The following MYRIP variants were observed in gnomAD, a reference collection of about 807,000 sequenced individuals.
The protein encoded by MYRIP is rab effector MyRIP.
In MYRIP, 49 loss-of-function variants were observed where a neutral mutation model predicts 98.0. The ratio of observed to expected loss-of-function variants is 0.50; its 90% CI spans 0.40 to 0.63. The LOEUF (loss-of-function observed/expected upper bound fraction) is 0.63. Ranked by LOEUF, MYRIP falls within the 30% of genes least tolerant of loss-of-function variation. The pLI is 0.00. For synonymous variants in MYRIP, 404 were observed against 409.5 expected, an observed-to-expected ratio of 0.99 and a Z score of 0.16; for missense variants, 1,004 against 1,058.2, an observed-to-expected ratio of 0.95 and a Z score of 0.71.
At chr3:40,099,872 A>G in intron 3 of MYRIP, 1 of 545,594 alleles carries the variant, frequency 1.8e-6, no homozygotes, top group Non-Finnish European at 2.3e-6. Context: ...TTCCCCTACA[A>G]AGTTGTATTA....
chr3:39,995,004 A>T (rs2125776319), intron 2 of MYRIP, among the ~76,000 whole-genome samples: 1 of 152,316 alleles, frequency 6.6e-6, no homozygotes, highest in African/African-American at 2.4e-5. Context: ...AAACTAAAAA[A>T]CAGAAAGGAC....
At chr3:40,231,207 G>A (rs1269248169) in intron 11 of MYRIP, among the ~76,000 whole-genome samples, 1 of 152,242 alleles carries the variant, frequency 6.6e-6, no homozygotes, top group Non-Finnish European at 1.5e-5. Context: ...TGTTCCAGGT[G>A]AAGCTGTGGC....
chr3:39,907,134 A>G (rs1326236412), intron 2 of MYRIP, among the ~76,000 whole-genome samples: 12 of 152,088 alleles, frequency 7.9e-5, no homozygotes, highest in Admixed American at 7.9e-4. Flanking sequence ...CATTTGGTTT[A>G]GTGTTCATCA....
At chr3:39,961,992 A>C (rs568485343) in intron 2 of MYRIP, among the ~76,000 whole-genome samples, 1 of 152,246 alleles carries the variant, frequency 6.6e-6, no homozygotes, top group East Asian at 1.9e-4. Context: ...CAAAAGATGA[A>C]TGGACTCTCT....
rs375303216 is a variant in MYRIP, at chr3:40,190,481, G to A, written c.1665+18G>A. On this transcript the variant is annotated intron_variant, in intron 10 of 16. Transcript: ENST00000302541. ...CACATCAGGTAATGGAAGTGCATGC[G>A]TGCAAATGCACACACACTCTTTAGG... 1.9e-5 allele frequency: 29 copies of A among 1,559,122 alleles called. No individual in the cohort carries two copies. The highest frequency in any genetic ancestry group is 1.2e-4 in the South Asian group (10 of 81,384).
At chr3:39,841,342 A>C (rs1189433435) in intron 1 of MYRIP, among the ~76,000 whole-genome samples, 2 of 152,074 alleles carry the variant, frequency 1.3e-5, no homozygotes, top group African/African-American at 4.8e-5. Flanking sequence ...TGTAGTTAGC[A>C]GTTCCTGTAA....
intron 4 of MYRIP, among the ~76,000 whole-genome samples, chr3:40,161,283 G>C (rs1442648798): frequency 2.6e-5 from 4 of 152,108 alleles, no homozygotes; most frequent in Non-Finnish European, 4.4e-5. Flanking sequence ...AAATTTAAAA[G>C]GAAACAGAAA....
intron 2 of MYRIP, among the ~76,000 whole-genome samples, chr3:39,958,453 T>G (rs900876843): frequency 4.6e-5 from 7 of 152,162 alleles, no homozygotes; most frequent in Admixed American, 2.6e-4. Context: ...TAATAAATGG[T>G]GCTGGGAAAA....
At chr3:40,069,393 T>C (rs1201941157) in intron 3 of MYRIP, among the ~76,000 whole-genome samples, 1 of 132,066 alleles carries the variant, frequency 7.6e-6, no homozygotes, top group South Asian at 2.6e-4. Context: ...TTTCGCAAGA[T>C]ACTTTTTTTT....
chr3:40,200,505 T>C (rs1367665289), intron 10 of MYRIP, among the ~76,000 whole-genome samples: 1 of 152,160 alleles, frequency 6.6e-6, no homozygotes, highest in East Asian at 1.9e-4. Context: ...TAGGAGTCTG[T>C]TGGATATTAA....
At chr3:39,887,907 A>C (rs1039473717) in intron 1 of MYRIP, among the ~76,000 whole-genome samples, 21 of 152,042 alleles carry the variant, frequency 1.4e-4, no homozygotes, top group African/African-American at 5.1e-4. Flanking sequence ...GAGCCAAATC[A>C]TGAGTGAACT....
chr3:40,196,034 G>C (rs143469939), intron 10 of MYRIP, among the ~76,000 whole-genome samples: 3 of 151,632 alleles, frequency 2.0e-5, no homozygotes, highest in African/African-American at 7.3e-5. Flanking sequence ...TTCTCATCAC[G>C]TTTTAAAAAA....
chr3:40,178,614 C>T (rs766634228), intron 8 of MYRIP, among the ~76,000 whole-genome samples: 10 of 152,150 alleles, frequency 6.6e-5, no homozygotes, highest in Admixed American at 2.0e-4. Flanking sequence ...ACAGTTACAC[C>T]GGCTCAGTGG....
intron 1 of MYRIP, among the ~76,000 whole-genome samples, chr3:39,825,247 T>C (rs955209540): frequency 9.8e-5 from 15 of 152,330 alleles, no homozygotes; most frequent in African/African-American, 3.4e-4. Context: ...AAAGTGGTGA[T>C]AGTGGACATC....
chr3:40,168,948 G>A (rs542805450), intron 7 of MYRIP, among the ~76,000 whole-genome samples: 4 of 152,252 alleles, frequency 2.6e-5, no homozygotes, highest in African/African-American at 4.8e-5. Flanking sequence ...CATCCCTTCC[G>A]TATGCCAAGT....
chr3:40,004,581 C>A (rs1288175990), intron 2 of MYRIP, among the ~76,000 whole-genome samples: 1 of 152,058 alleles, frequency 6.6e-6, no homozygotes, highest in Non-Finnish European at 1.5e-5. Flanking sequence ...ACCTGTCACC[C>A]GAGCAGTATA....
intron 3 of MYRIP, among the ~76,000 whole-genome samples, chr3:40,089,882 G>A (rs1948709515): frequency 6.6e-6 from 1 of 152,004 alleles, no homozygotes; most frequent in South Asian, 2.1e-4. Context: ...AGGTAAATGT[G>A]GATAATGCAA....
intron 2 of MYRIP, among the ~76,000 whole-genome samples, chr3:39,918,062 G>T (rs1290792075): frequency 1.3e-5 from 2 of 152,050 alleles, no homozygotes; most frequent in African/African-American, 4.8e-5. Flanking sequence ...GAGTAGCTGG[G>T]ACTACAGGCG....
chr3:39,996,452 G>A (rs1009447738), intron 2 of MYRIP, among the ~76,000 whole-genome samples: 9 of 152,312 alleles, frequency 5.9e-5, no homozygotes, highest in African/African-American at 2.2e-4. Flanking sequence ...TTACAAAATG[G>A]TAAAGAGATC....
Sources: allele counts gnomAD v4.1 joint callset (sites outside exome capture counted in the v4.1 genomes callset), GRCh38; gene constraint gnomAD v4.1.1; transcripts MANE v1.5; gene names NCBI Gene and HGNC (gene_info 2026-07-23, HGNC 2026-07-21).